OSBPL10: variants seen among roughly 807,000 people sequenced by gnomAD.
OSBPL10 encodes the protein oxysterol-binding protein-related protein 10.
In OSBPL10, 49 loss-of-function variants were observed where a neutral mutation model predicts 81.7. The observed-to-expected ratio is 0.60, with a 90% CI of 0.48 to 0.76. The LOEUF (loss-of-function observed/expected upper bound fraction) is 0.76, where lower values mean the gene tolerates loss of function less well. Ranked by LOEUF, OSBPL10 falls within the 30% of genes least tolerant of loss-of-function variation. The pLI is 0.00. For missense variants in OSBPL10, 923 were observed against 987.8 expected (o/e 0.93, Z 0.88); for synonymous variants, 419 against 383.6 (o/e 1.09, Z -1.08).
intron 1 of OSBPL10, among the ~76,000 whole-genome samples, chr3:32,049,494 G>T (rs1339164273): frequency 6.6e-6 from 1 of 152,094 alleles, no homozygotes; most frequent in Non-Finnish European, 1.5e-5. Flanking sequence ...GAGGGTTAAA[G>T]GCTCCTCTTA....
chr3:31,812,717 A>AAGAAAGAAAGAAAG (rs1553628768), intron 4 of OSBPL10, among the ~76,000 whole-genome samples: 3 of 53,546 alleles, frequency 5.6e-5, no homozygotes, highest in East Asian at 1.8e-3. Flanking sequence ...GTAGGCAAAA[A>AAGAAAGAAAGAAAG]AAAAGAAAGA....
At chr3:31,806,519 T>C (rs1333488336) in intron 4 of OSBPL10, among the ~76,000 whole-genome samples, 1 of 152,178 alleles carries the variant, frequency 6.6e-6, no homozygotes, top group Non-Finnish European at 1.5e-5. Context: ...TTGATACATA[T>C]CTATTGAGCT....
intron 4 of OSBPL10, among the ~76,000 whole-genome samples, chr3:31,793,308 C>T (rs908307402): frequency 8.5e-5 from 13 of 152,210 alleles, no homozygotes; most frequent in Admixed American, 2.6e-4. Context: ...CTGCAGCTTC[C>T]CTCAACTCTG....
intron 1 of OSBPL10, among the ~76,000 whole-genome samples, chr3:31,942,814 A>C (rs930485929): frequency 6.6e-6 from 1 of 152,118 alleles, no homozygotes; most frequent in Non-Finnish European, 1.5e-5. Context: ...CAGTTTTGAC[A>C]AAAAAAATTA....
rs921786868 is a variant in OSBPL10 at position 32,023,184 on chromosome 3, T to G, written n.298+23307A>C. Among the ~76,000 whole-genome samples the G allele has an allele frequency of 4.6e-5, 7 of 152,174 alleles. No homozygotes were observed. The East Asian group carries it at 1.3e-3, about 29-fold the overall frequency. ...TGATCCATCCAAAACTCATCTTGAA[T>G]TGTAGCTCCCATAATTCCCACGTGT... On this transcript the variant is annotated intron_variant and non_coding_transcript_variant, in intron 2 of 3. Coordinates refer to the OSBPL10 transcript ENST00000479173.
intron 2 of OSBPL10, among the ~76,000 whole-genome samples, chr3:32,036,927 A>G (rs1699524759): frequency 6.6e-6 from 1 of 152,140 alleles, no homozygotes; most frequent in South Asian, 2.1e-4. Flanking sequence ...CATTCTAACC[A>G]AGCAACTAGG....
At chr3:32,014,185 A>G (rs1699291264) in intron 2 of OSBPL10, among the ~76,000 whole-genome samples, 1 of 152,232 alleles carries the variant, frequency 6.6e-6, no homozygotes, top group Admixed American at 6.5e-5. Context: ...ATAACAATGC[A>G]AAAATCCTCA....
intron 1 of OSBPL10, among the ~76,000 whole-genome samples, chr3:31,899,088 C>T (rs1220367543): frequency 2.2e-5 from 3 of 135,084 alleles, no homozygotes; most frequent in East Asian, 2.5e-4. Flanking sequence ...GGACTATAGG[C>T]GCACCCACCA....
At chr3:31,671,934 G>T (rs527816137) in intron 8 of OSBPL10, among the ~76,000 whole-genome samples, 2 of 152,070 alleles carry the variant, frequency 1.3e-5, no homozygotes, top group African/African-American at 4.8e-5. Context: ...GCACCTCTCA[G>T]TCTCCCATCC....
At chr3:32,034,583 T>C (rs1201737612) in intron 2 of OSBPL10, among the ~76,000 whole-genome samples, 1 of 152,136 alleles carries the variant, frequency 6.6e-6, no homozygotes, top group African/African-American at 2.4e-5. Flanking sequence ...CACTAAGATT[T>C]CCAGCTGAAG....
intron 1 of OSBPL10, among the ~76,000 whole-genome samples, chr3:32,066,763 G>A (rs369215953): frequency 1.3e-4 from 20 of 152,112 alleles, no homozygotes; most frequent in Admixed American, 5.9e-4. Flanking sequence ...TCCTAATAAC[G>A]TCACCCACAA....
intron 6 of OSBPL10, among the ~76,000 whole-genome samples, chr3:31,727,699 G>A (rs1234769174): frequency 6.6e-6 from 1 of 152,080 alleles, no homozygotes; most frequent in East Asian, 1.9e-4. Flanking sequence ...TTATAAGATT[G>A]AAACTTTAAA....
intron 6 of OSBPL10, among the ~76,000 whole-genome samples, chr3:31,720,202 T>C (rs998822914): frequency 7.5e-6 from 1 of 134,222 alleles, no homozygotes; most frequent in Non-Finnish European, 1.7e-5. Flanking sequence ...TTCTACTGTA[T>C]TTTTTAATGC....
chr3:31,905,108 G>A (rs1195028852), intron 1 of OSBPL10, among the ~76,000 whole-genome samples: 1 of 152,122 alleles, frequency 6.6e-6, no homozygotes, highest in African/African-American at 2.4e-5. Context: ...AGTATAATAT[G>A]TCTGTCAAAT....
chr3:31,965,792 G>T (rs7623394), intron 1 of OSBPL10, among the ~76,000 whole-genome samples: 19,717 of 56,922 alleles, frequency 0.35, 5,152 homozygotes, highest in African/African-American at 0.73. Flanking sequence ...AAATAGATAA[G>T]ATATATTATC....
Position 31,851,071 on chromosome 3 carries a change from T to A in OSBPL10, c.538-20840A>T, listed in dbSNP as rs576220482. 2.1e-3 allele frequency among the ~76,000 whole-genome samples: 327 copies of A among 152,250 alleles called. 2 individuals are homozygous for A. The highest frequency in any genetic ancestry group is 3.3e-3 in the Non-Finnish European group (227 of 68,000). On this transcript the variant is annotated intron_variant, in intron 3 of 11. Transcript: ENST00000396556. ...GTCAGTATTTAAGTTGCAAAAAAAA[T>A]TTCACAAGAGAAAAGATAGATGTCT... is the stretch of plus-strand genomic sequence containing the variant.
At chr3:31,965,836 T>G (rs1361782923) in intron 1 of OSBPL10, among the ~76,000 whole-genome samples, 1 of 84,072 alleles carries the variant, frequency 1.2e-5, no homozygotes, top group Non-Finnish European at 1.9e-5. Context: ...AAATATATAA[T>G]ATATATTATA....
At chr3:31,900,077 G>A (rs1273940216) in intron 1 of OSBPL10, among the ~76,000 whole-genome samples, 10 of 150,480 alleles carry the variant, frequency 6.6e-5, no homozygotes, top group Admixed American at 6.6e-4. Context: ...CCAGGCTGGG[G>A]TGCAGTGGTG....
At chr3:32,029,169 A>C (rs1699444499) in intron 2 of OSBPL10, among the ~76,000 whole-genome samples, 1 of 152,090 alleles carries the variant, frequency 6.6e-6, no homozygotes, top group Admixed American at 6.5e-5. Context: ...TGAAAGAAGA[A>C]ATTCAAGACC....
Sources: gnomAD v4.1 joint callset for allele counts (sites outside exome capture counted in the v4.1 genomes callset) on GRCh38, gnomAD v4.1.1 for gene constraint, MANE v1.5 for transcripts, NCBI Gene and HGNC (gene_info 2026-07-23, HGNC 2026-07-21) for gene names.